ITGAM: variants seen among roughly 807,000 people sequenced by gnomAD.
ITGAM encodes the protein integrin subunit alpha M.
In ITGAM, 79 loss-of-function variants were observed where a neutral mutation model predicts 137.5. The observed-to-expected ratio is 0.57, with a 90% confidence interval of 0.48 to 0.69. The LOEUF (loss-of-function observed/expected upper bound fraction) is 0.69. ITGAM is among the 30% of genes least tolerant of loss of function. The pLI, the probability that ITGAM is intolerant of heterozygous loss-of-function variation, is 0.00. For missense variants in ITGAM, 1,343 were observed against 1,483.5 expected, an observed-to-expected ratio of 0.91 and a Z score of 1.56; for synonymous variants, 583 against 592.3, an observed-to-expected ratio of 0.98 and a Z score of 0.23.
rs553934657 is a variant in ITGAM at position 31,326,927 on chromosome 16, T to A, written c.2700T>A (p.Asn900Lys). ...GAAACAAACTGCTCCTCAAGGCCAA[T>A]GTGACCAGGTGCTCTCTGCTACCAG... ...SLGNKLLLKA[N>K]VTSENNMPRT... The change falls in exon 22 of 30, where the codon AAT (asparagine) becomes AAA (lysine). Residue 900 changes from asparagine to lysine, a missense_variant. By Grantham distance (94) the Asn-to-Lys change is moderately conservative. Transcript: ENST00000544665. 10 of 1,611,150 alleles carry A rather than the reference T, an allele frequency of 6.2e-6. No homozygotes were observed. In the East Asian group the frequency reaches 2.2e-4, roughly 36 times the overall value.
At chr16:31,319,081 A>C (rs1476820199) in intron 14 of ITGAM, among the ~76,000 whole-genome samples, 2 of 152,172 alleles carry the variant, frequency 1.3e-5, no homozygotes, top group Non-Finnish European at 2.9e-5. Context: ...GATATAATTT[A>C]AATCATTTCA....
chr16:31,312,464 T>C (rs533068917), intron 14 of ITGAM, among the ~76,000 whole-genome samples: 152 of 152,286 alleles, frequency 1.0e-3, no homozygotes, highest in African/African-American at 3.3e-3. Flanking sequence ...TCTTGGTCTG[T>C]CATGCAGGCT....
At position 31,276,716 on chromosome 16, in the gene ITGAM, A is replaced by G; in HGVS notation, c.1055A>G (p.Gln352Arg). 6.2e-7 allele frequency: 1 copy of G among 1,612,242 alleles called. No homozygotes were observed. Among genetic ancestry groups the G allele is most frequent in the Non-Finnish European group, 8.5e-7 (1 of 1,179,134 alleles). Residue 352 changes from glutamine (Q) to arginine (R), a missense_variant, in exon 10 of 30, where the codon CAG becomes CGG. Transcript: ENST00000544665. The part of the protein sequence containing the change: ...SSSSFEHEMS[Q>R]EGFSAAITSN... ...AGCTCCTTTGAGCATGAGATGTCTC[A>G]GGAAGGCTTCAGCGCTGCCATCACC... is the stretch of plus-strand genomic sequence containing the variant.
rs1185632391 is a variant in ITGAM, at chr16:31,329,173, C to A, written c.2793-55C>A. 7 of 1,227,650 alleles carry A rather than the reference C, an allele frequency of 5.7e-6. No homozygotes were observed. The African/African-American group carries it at 6.0e-5, about 10-fold the overall frequency. 76.0% of individuals were successfully genotyped at this position (1,227,650 alleles called of 1,614,324 possible). On this transcript the variant is annotated intron_variant, in intron 23 of 29. Coordinates refer to ENST00000544665, the MANE Select transcript of ITGAM (RefSeq NM_000632.4). ...CCTTACACACTTAGCCTGAGACACCCTCCCAGGGCACCCCTCATGTTTTGT... is the reference window on the plus strand; with the variant it reads ...CCTTACACACTTAGCCTGAGACACCATCCCAGGGCACCCCTCATGTTTTGT...
intron 22 of ITGAM, among the ~76,000 whole-genome samples, chr16:31,327,623 A>AAAAAT (rs1417125425): frequency 8.6e-5 from 13 of 151,662 alleles, no homozygotes; most frequent in African/African-American, 3.1e-4. Context: ...TAATAATAAA[A>AAAAAT]AATAAAAGGG....
At chr16:31,283,965 A>G (rs539211112) in intron 12 of ITGAM, among the ~76,000 whole-genome samples, 1 of 152,344 alleles carries the variant, frequency 6.6e-6, no homozygotes, top group East Asian at 1.9e-4. Context: ...CATCAGCTGC[A>G]GGTCTGTTGG....
At chr16:31,298,584 T>C (rs971139353) in intron 14 of ITGAM, among the ~76,000 whole-genome samples, 2 of 152,186 alleles carry the variant, frequency 1.3e-5, no homozygotes, top group Non-Finnish European at 1.5e-5. Context: ...TGAATCTCGG[T>C]CCTGGTAAGG....
chr16:31,317,204 A>C (rs2080402078), intron 14 of ITGAM, among the ~76,000 whole-genome samples: 1 of 152,106 alleles, frequency 6.6e-6, no homozygotes, highest in African/African-American at 2.4e-5. Flanking sequence ...TCAAATTTTC[A>C]CCACTGGGTA....
chr16:31,277,927 G>C, intron 11 of ITGAM, 40 bp from the exon 12 acceptor site: 2 of 1,552,002 alleles, frequency 1.3e-6, no homozygotes, highest in Non-Finnish European at 1.7e-6. Context: ...TGGAGGAGGG[G>C]GCAGGGAATG....
chr16:31,330,674 G>GGAGAGAGAGACACAAAGAGAGAGGGA (rs1951752672), intron 28 of ITGAM, 69 bp downstream of exon 28: 2 of 1,121,018 alleles, frequency 1.8e-6, no homozygotes, highest in Middle Eastern at 2.2e-4. Context: ...TTCTGGGGGA[G>GGAGAGAGAGACACAAAGAGAGAGGGA]GAGAGAGAGA....
chr16:31,322,309 T>C (rs1043355349), intron 16 of ITGAM, among the ~76,000 whole-genome samples: 2 of 152,150 alleles, frequency 1.3e-5, no homozygotes, highest in African/African-American at 4.8e-5. Context: ...ATTACCTTTC[T>C]AGGAACAGTT....
Position 31,321,612 on chromosome 16 carries a change from G to C in ITGAM, c.1987G>C (p.Asp663His), listed in dbSNP as rs1320380347. ...CCTCCATGTCCAGAAGAGCACACGG[G>C]ATCGGCTAAGAGAAGGTGAGGCTTG... ...VCLHVQKSTRDRLREGQIQSV... is the reference protein window; with the variant it reads ...VCLHVQKSTRHRLREGQIQSV... Residue 663 changes from aspartate to histidine, a missense_variant, in exon 16 of 30, where the codon GAT (aspartate) becomes CAT (histidine). Physicochemically the swap from Asp to His is moderately conservative, Grantham distance 81 (BLOSUM62 -1). Coordinates refer to ENST00000544665, the MANE Select transcript of ITGAM (RefSeq NM_000632.4). 6.2e-7 allele frequency: 1 copy of C among 1,613,756 alleles called. No homozygotes were observed. Among genetic ancestry groups the C allele is most frequent in the Non-Finnish European group, 8.5e-7 (1 of 1,179,810 alleles).
At chr16:31,272,718 A>G (rs1342125769) in intron 7 of ITGAM, among the ~76,000 whole-genome samples, 2 of 151,174 alleles carry the variant, frequency 1.3e-5, no homozygotes, top group Non-Finnish European at 2.9e-5. Flanking sequence ...TCCTGACCTC[A>G]GGTGATTCAC....
intron 12 of ITGAM, among the ~76,000 whole-genome samples, chr16:31,281,081 G>T (rs1024482064): frequency 6.6e-6 from 1 of 152,166 alleles, no homozygotes; most frequent in African/African-American, 2.4e-5. Flanking sequence ...CTTGATCATG[G>T]TGGATAAGCT....
chr16:31,273,702 A>C (rs1051198335), intron 8 of ITGAM, 184 bp downstream of exon 8: 1 of 553,986 alleles, frequency 1.8e-6, no homozygotes, highest in Non-Finnish European at 3.1e-6. Context: ...AAAATTCAGC[A>C]GCTTAAAATA....
intron 12 of ITGAM, among the ~76,000 whole-genome samples, chr16:31,295,962 C>A (rs1042048665): frequency 1.3e-5 from 2 of 151,546 alleles, no homozygotes; most frequent in Non-Finnish European, 2.9e-5. Flanking sequence ...CTTTTTTTTG[C>A]GTATATTGAG....
At position 31,324,756 on chromosome 16, in the gene ITGAM, G is replaced by T. The variant is rs1278837750; in HGVS notation, c.2263G>T (p.Asp755Tyr). The change falls in exon 18 of 30, where the codon GAT becomes TAT. Residue 755 changes from aspartate to tyrosine, a missense_variant. Asp to Tyr is a radical substitution (Grantham distance 160). Coordinates refer to ENST00000544665, the MANE Select transcript of ITGAM (RefSeq NM_000632.4). The surrounding 1 kb of genome is among the most constrained non-coding windows in gnomAD (Gnocchi z 4.5). ...GAACCTCCGGCCAGTGCTGGCGGAG[G>T]ATGCTCAGAGACTCTTCACAGCCTT... ...FGNLRPVLAE[D>Y]AQRLFTALFP... is the part of the protein sequence containing the mutation. The T allele has an allele frequency of 6.3e-7, 1 of 1,575,866 alleles. No individual in the cohort carries two copies. The highest frequency in any genetic ancestry group is 1.2e-5 in the South Asian group (1 of 83,554).
At position 31,282,044 on chromosome 16, in the gene ITGAM, A is replaced by C. The variant is rs1216517662; in HGVS notation, c.1356+3935A>C. On this transcript the variant is annotated intron_variant, in intron 12 of 29. Transcript: ENST00000544665. ...TTGAGCGGTTTTGAGTGAGTTTCTTAATCCTGAGTTCTAGTTTGATTGCAC... is the reference window on the plus strand; with the variant it reads ...TTGAGCGGTTTTGAGTGAGTTTCTTCATCCTGAGTTCTAGTTTGATTGCAC... Among the ~76,000 whole-genome samples, 6 of 152,304 alleles carry C rather than the reference A, an allele frequency of 3.9e-5. No homozygotes were observed. The South Asian group carries it at 8.3e-4, about 21-fold the overall frequency.
At chr16:31,265,362 C>A (rs372156168) in intron 2 of ITGAM, 33 bp from the exon 3 acceptor site, 2 of 1,317,490 alleles carry the variant, frequency 1.5e-6, no homozygotes, top group Non-Finnish European at 2.1e-6. Flanking sequence ...CCCCACATGT[C>A]GAAGTTTTCT....
Sources: gnomAD v4.1 joint callset for allele counts (sites outside exome capture counted in the v4.1 genomes callset) on GRCh38, gnomAD v4.1.1 for gene constraint, Gnocchi (gnomAD v3.1) non-coding constraint, MANE v1.5 for transcripts, NCBI Gene and HGNC (gene_info 2026-07-23, HGNC 2026-07-21) for gene names.